Variants in USP12 observed in about 807,000 individuals in gnomAD.
USP12 encodes ubiquitin specific peptidase 12.
A neutral mutation model predicts 45.5 loss-of-function variants in USP12; 19 were observed. The observed-to-expected ratio is 0.42, with a 90% CI of 0.29 to 0.61. USP12 has a LOEUF of 0.61. USP12 is among the 20% of genes least tolerant of loss of function. The pLI, the probability that USP12 is intolerant of heterozygous loss-of-function variation, is 0.22. For missense variants in USP12, 242 were observed against 447.7 expected, an observed-to-expected ratio of 0.54 and a Z score of 4.15; for synonymous variants, 149 against 148.8, an observed-to-expected ratio of 1.00 and a Z score of -0.01.
chr13:27,082,831 A>G (rs1262530062), intron 6 of USP12, among the ~76,000 whole-genome samples: 1 of 152,170 alleles, frequency 6.6e-6, no homozygotes, highest in African/African-American at 2.4e-5. Context: ...ACAACATTTA[A>G]GTTCATCATC....
rs749692882 is a variant in USP12, at chr13:27,116,541, T to C, written c.104A>G (p.Asn35Ser). Residue 35 changes from asparagine (N) to serine (S), a missense_variant, in exon 2 of 9, where the codon AAT (asparagine) becomes AGT (serine). Transcript: ENST00000282344. ...ATTGACTAATCCAAAATAGTGCTCA[T>C]TGACCGGAAACTGTTCTGGACCAAT... The part of the protein sequence containing the change: ...KEIGPEQFPV[N>S]EHYFGLVNFG... 73 of 1,613,456 alleles carry C rather than the reference T, an allele frequency of 4.5e-5. No homozygotes were observed. The highest frequency in any genetic ancestry group is 2.1e-4 in the South Asian group (19 of 91,026).
At chr13:27,116,068 T>G (rs1285761436) in intron 2 of USP12, among the ~76,000 whole-genome samples, 3 of 151,928 alleles carry the variant, frequency 2.0e-5, no homozygotes, top group African/African-American at 4.8e-5. Context: ...ATCCCAGCAC[T>G]TTAGGAGGCT....
In USP12 at chr13:27,163,768, TAAAAAAAA is replaced by T. The variant is rs34384911; in HGVS notation, c.48+7816_48+7823del. On this transcript the variant is annotated intron_variant, in intron 1 of 8. Coordinates refer to ENST00000282344, the MANE Select transcript of USP12 (RefSeq NM_182488.4). The stretch of plus-strand genomic sequence containing the variant: ...CTGAGCAATAGAGCAAGACCTGTCT[TAAAAAAAA>T]AAAAAAAAAGAAAAAAAAAAAAGAA... Among the ~76,000 whole-genome samples, 46 of 83,304 alleles carry T rather than the reference TAAAAAAAA, an allele frequency of 5.5e-4. No individual in the cohort carries two copies. In the South Asian group the frequency reaches 6.3e-3, roughly 11 times the overall value. The allele number at this position is 83,304 out of a possible 152,430, so 54.7% of individuals were successfully genotyped here.
At chr13:27,157,558 G>C (rs765911871) in intron 1 of USP12, among the ~76,000 whole-genome samples, 9 of 152,150 alleles carry the variant, frequency 5.9e-5, no homozygotes, top group Middle Eastern at 3.4e-3. Context: ...GTTTATAGAA[G>C]ATTTTTCCCT....
intron 6 of USP12, chr13:27,077,322 AT>A (rs1193160633): frequency 1.3e-5 from 2 of 152,208 alleles, no homozygotes; most frequent in Admixed American, 1.3e-4. Context: ...CAAAAGAAGA[AT>A]TTTCTGAGCA....
intron 7 of USP12, among the ~76,000 whole-genome samples, chr13:27,073,027 C>T (rs991774257): frequency 6.6e-6 from 1 of 152,112 alleles, no homozygotes; most frequent in Non-Finnish European, 1.5e-5. Flanking sequence ...GACATACATC[C>T]TAAGAGAGTA....
At chr13:27,074,979 AAAT>A (rs1316988240) in intron 7 of USP12, among the ~76,000 whole-genome samples, 16 of 152,208 alleles carry the variant, frequency 1.1e-4, no homozygotes, top group African/African-American at 3.9e-4. Context: ...GTAGAGTAAT[AAAT>A]AATAAAAATA....
chr13:27,137,067 T>C (rs9581811), intron 1 of USP12, among the ~76,000 whole-genome samples: 11,572 of 152,248 alleles, frequency 0.076, 544 homozygotes, highest in Middle Eastern at 0.16. Context: ...GACAAAGATA[T>C]TGAACAAAGA....
chr13:27,171,747 C>T lies in USP12; in HGVS notation c.-108G>A, dbSNP rs1001479766. ...AGCCCGCGGGCGGACCCCGAGCCGC[C>T]GCGGACCCAACCACCGAGCCCGCTG... is the stretch of plus-strand genomic sequence containing the variant. On this transcript the variant is annotated 5_prime_UTR_variant, in exon 1 of 9. Transcript: ENST00000282344. 6.8e-5 allele frequency: 45 copies of T among 659,568 alleles called. No homozygotes were observed. Among genetic ancestry groups the T allele is most frequent in the Non-Finnish European group, 8.7e-5 (45 of 520,016 alleles). 40.9% of individuals were successfully genotyped at this position (659,568 alleles called of 1,614,324 possible). A position where few individuals can be genotyped will look rare whatever the true frequency, so the allele number is the denominator to read the frequency against.
chr13:27,124,564 G>A (rs1186613279), intron 1 of USP12, among the ~76,000 whole-genome samples: 1 of 152,194 alleles, frequency 6.6e-6, no homozygotes, highest in Non-Finnish European at 1.5e-5. Flanking sequence ...AATGCAGCAT[G>A]TATCATTTTA....
At chr13:27,148,334 TTC>T (rs1877401668) in intron 1 of USP12, among the ~76,000 whole-genome samples, 1 of 151,204 alleles carries the variant, frequency 6.6e-6, no homozygotes, top group Non-Finnish European at 1.5e-5. Context: ...TGTGTATTTT[TTC>T]TTTCTTCTCT....
At chr13:27,110,223 A>ACC (rs1187689281) in intron 2 of USP12, among the ~76,000 whole-genome samples, 2 of 151,430 alleles carry the variant, frequency 1.3e-5, no homozygotes, top group Non-Finnish European at 2.9e-5. Context: ...CATTATATTT[A>ACC]CCTCTCCTAC....
In USP12 at chr13:27,100,779, A is replaced by G. The variant is rs537933870; in HGVS notation, c.344-4949T>C. 2.0e-5 allele frequency among the ~76,000 whole-genome samples: 3 copies of G among 152,242 alleles called. No individual in the cohort carries two copies. The South Asian group carries it at 6.2e-4, about 32-fold the overall frequency. On this transcript the variant is annotated intron_variant, in intron 3 of 8. Transcript: ENST00000282344. ...TGAAGAAAAGTTGGAAACCAACTGG[A>G]AAAGTCCTAGAGGAATCTAAAAAGA...
intron 2 of USP12, among the ~76,000 whole-genome samples, chr13:27,110,945 T>C (rs969257946): frequency 1.3e-5 from 2 of 152,138 alleles, no homozygotes; most frequent in East Asian, 3.8e-4. Flanking sequence ...AGAAATATTA[T>C]GATAATGAGG....
intron 6 of USP12, among the ~76,000 whole-genome samples, chr13:27,081,281 T>G (rs1474452311): frequency 1.3e-5 from 2 of 152,250 alleles, no homozygotes; most frequent in East Asian, 1.9e-4. Context: ...TATGTAATAT[T>G]CTAAATCCTT....
chr13:27,167,518 T>G (rs1024114641), intron 1 of USP12, among the ~76,000 whole-genome samples: 1 of 152,002 alleles, frequency 6.6e-6, no homozygotes, highest in Non-Finnish European at 1.5e-5. Flanking sequence ...TAATAGAAGA[T>G]TCCTTATTTT....
chr13:27,109,514 C>A (rs992564792), intron 2 of USP12, among the ~76,000 whole-genome samples: 5 of 152,020 alleles, frequency 3.3e-5, no homozygotes, highest in African/African-American at 9.7e-5. Context: ...AGTTTCTCCA[C>A]AAATTGATGA....
chr13:27,111,341 T>C (rs1875435990), intron 2 of USP12, among the ~76,000 whole-genome samples: 1 of 152,150 alleles, frequency 6.6e-6, no homozygotes, highest in Non-Finnish European at 1.5e-5. Flanking sequence ...TGCAAAAGGT[T>C]TTCTGGGATG....
chr13:27,162,632 T>C (rs1228962697), intron 1 of USP12, among the ~76,000 whole-genome samples: 1 of 152,250 alleles, frequency 6.6e-6, no homozygotes, highest in Non-Finnish European at 1.5e-5. Context: ...TTCTTAGTTG[T>C]GACAATACTA....
Sources: allele counts gnomAD v4.1 joint callset (sites outside exome capture counted in the v4.1 genomes callset), GRCh38; gene constraint gnomAD v4.1.1; transcripts MANE v1.5; gene names NCBI Gene and HGNC (gene_info 2026-07-23, HGNC 2026-07-21).